Variants in DMD observed in about 807,000 individuals in gnomAD.
DMD encodes mutant dystrophin.
A neutral mutation model predicts 330.1 loss-of-function variants in DMD; 63 were observed. The observed-to-expected ratio is 0.19, with a 90% CI of 0.16 to 0.24. DMD has a LOEUF of 0.24. Among genes scored for constraint, DMD ranks in the 10% least tolerant of loss-of-function variants. The probability of loss-of-function intolerance (pLI) is 1.00; values close to 1 mark genes in which losing one functional copy is unlikely to be tolerated. For missense variants in DMD, 3,344 were observed against 2,684.1 expected (o/e 1.25, Z -5.43); for synonymous variants, 1,223 against 959.8 (o/e 1.27, Z -5.07).
At chrX:31,205,659 G>A (rs1010471654) in intron 66 of DMD, among the ~76,000 whole-genome samples, 5 of 112,155 alleles carry the variant, frequency 4.5e-5, no homozygotes, top group Non-Finnish European at 9.4e-5. Context: ...TTTTTCTCTC[G>A]TTCTGAGGAT....
intron 1 of DMD, among the ~76,000 whole-genome samples, chrX:33,136,493 G>A (rs1357377005): frequency 9.3e-6 from 1 of 107,587 alleles, no homozygotes; most frequent in Non-Finnish European, 1.9e-5. Context: ...AGTGCTATGG[G>A]TTGAATATTT....
intron 45 of DMD, among the ~76,000 whole-genome samples, chrX:31,951,144 T>TAC (rs2095165392): frequency 1.7e-5 from 1 of 59,655 alleles, no homozygotes; most frequent in Non-Finnish European, 3.0e-5. Context: ...TATATATGTG[T>TAC]ATATATATAT....
intron 16 of DMD, among the ~76,000 whole-genome samples, chrX:32,561,680 C>G (rs774302962): frequency 9.0e-6 from 1 of 111,070 alleles, no homozygotes; most frequent in African/African-American, 3.3e-5. Flanking sequence ...GAAGCCAGCC[C>G]AACATTCAAA....
chrX:31,437,382 C>T (rs1347038610), intron 60 of DMD, among the ~76,000 whole-genome samples: 1 of 111,655 alleles, frequency 9.0e-6, no homozygotes, highest in Non-Finnish European at 1.9e-5. Context: ...TACAAATAGA[C>T]AGCATCTCCT....
intron 60 of DMD, among the ~76,000 whole-genome samples, chrX:31,410,501 T>G (rs1480385985): frequency 9.0e-6 from 1 of 111,458 alleles, no homozygotes; most frequent in African/African-American, 3.3e-5. Context: ...ATTTTTGCAG[T>G]ATACTTTTCC....
chrX:33,037,886 TTTTGA>T (rs1403063433), intron 1 of DMD, among the ~76,000 whole-genome samples: 1 of 112,106 alleles, frequency 8.9e-6, no homozygotes, highest in Non-Finnish European at 1.9e-5. Context: ...GCAGAAACCA[TTTTGA>T]TTTAACATCA....
At chrX:32,502,394 G>A (rs756934359) in intron 18 of DMD, among the ~76,000 whole-genome samples, 5 of 111,365 alleles carry the variant, frequency 4.5e-5, no homozygotes, top group South Asian at 3.7e-4. Flanking sequence ...CTATTTCCAA[G>A]GAAGACAAGA....
intron 7 of DMD, among the ~76,000 whole-genome samples, chrX:32,730,845 G>C (rs1449568089): frequency 3.6e-5 from 4 of 111,954 alleles, no homozygotes; most frequent in Non-Finnish European, 7.5e-5. Flanking sequence ...TAGGAATAGA[G>C]CCTACCAGTG....
chrX:32,844,417 A>AAGAAAAG (rs1557079054), intron 4 of DMD, among the ~76,000 whole-genome samples: 1 of 59,242 alleles, frequency 1.7e-5, no homozygotes, highest in African/African-American at 1.2e-4. Context: ...AAAAAAAAAA[A>AAGAAAAG]AAAAGAAAAG....
intron 30 of DMD, among the ~76,000 whole-genome samples, chrX:32,405,982 G>T (rs1013210496): frequency 1.8e-5 from 2 of 110,916 alleles, no homozygotes; most frequent in Non-Finnish European, 3.8e-5. Flanking sequence ...CTTGTAAGTT[G>T]GATTCCTAGG....
At chrX:32,197,951 AT>A (rs1433755238) in intron 44 of DMD, among the ~76,000 whole-genome samples, 1 of 111,485 alleles carries the variant, frequency 9.0e-6, no homozygotes, top group African/African-American at 3.3e-5. Context: ...TCTAACTGAA[AT>A]TTTGTATCCT....
chrX:31,972,207 G>A (rs1340148904), intron 44 of DMD, among the ~76,000 whole-genome samples: 1 of 111,490 alleles, frequency 9.0e-6, no homozygotes, highest in African/African-American at 3.3e-5. Context: ...CTTCTCTTCT[G>A]CTTTTTAAGT....
intron 11 of DMD, among the ~76,000 whole-genome samples, chrX:32,616,690 CTTTTTTTTTTT>C (rs1173392895): frequency 1.8e-4 from 11 of 60,223 alleles, no homozygotes; most frequent in Non-Finnish European, 2.9e-4. Context: ...GTTCTGGTTC[CTTTTTTTTTTT>C]TTTTTTTTTT....
At chrX:32,734,759 A>G (rs745624264) in intron 7 of DMD, among the ~76,000 whole-genome samples, 3 of 109,007 alleles carry the variant, frequency 2.8e-5, no homozygotes, top group African/African-American at 1.0e-4. Flanking sequence ...TTGACGGGAC[A>G]TATTTCAAAA....
intron 2 of DMD, among the ~76,000 whole-genome samples, chrX:33,015,905 C>T (rs1378594186): frequency 9.0e-6 from 1 of 110,812 alleles, no homozygotes; most frequent in African/African-American, 3.3e-5. Flanking sequence ...GGCCAGGTCT[C>T]ACTAATGCAG....
intron 9 of DMD, among the ~76,000 whole-genome samples, chrX:32,649,478 C>A (rs1413474338): frequency 9.5e-6 from 1 of 105,034 alleles, no homozygotes; most frequent in Non-Finnish European, 1.9e-5. Context: ...AAGGCGTGAA[C>A]CCGGGAGGCG....
chrX:32,689,511 T>A (rs150183494), intron 9 of DMD, among the ~76,000 whole-genome samples: 197 of 111,493 alleles, frequency 1.8e-3, no homozygotes, highest in African/African-American at 6.4e-3. Flanking sequence ...ATGCCAATGC[T>A]TCACGAACTC....
chrX:32,730,996 G>A (rs962528462), intron 7 of DMD, among the ~76,000 whole-genome samples: 13 of 111,734 alleles, frequency 1.2e-4, no homozygotes, highest in African/African-American at 3.9e-4. Flanking sequence ...TCCATCTGAG[G>A]TACCAGGTTC....
intron 63 of DMD, among the ~76,000 whole-genome samples, chrX:31,223,362 T>C (rs1188310641): frequency 1.2e-4 from 13 of 112,455 alleles, no homozygotes; most frequent in Non-Finnish European, 7.5e-5. Context: ...TAAAGTGGTA[T>C]AGCCTGAAGG....
Sources: allele counts gnomAD v4.1 joint callset (sites outside exome capture counted in the v4.1 genomes callset), GRCh38; gene constraint gnomAD v4.1.1; transcripts MANE v1.5; gene names NCBI Gene and HGNC (gene_info 2026-07-23, HGNC 2026-07-21).